RGS8: variants seen among roughly 807,000 people sequenced by gnomAD.
RGS8 encodes regulator of G-protein signaling 8.
Under a neutral mutation model 21.7 loss-of-function variants are expected in RGS8, and 8 were observed. That is an observed-to-expected ratio of 0.37 (90% CI 0.22 to 0.66). RGS8 has a LOEUF of 0.66. RGS8 is among the 30% of genes least tolerant of loss of function. The pLI is 0.59. For missense variants in RGS8, 157 were observed against 217.9 expected, an observed-to-expected ratio of 0.72 and a Z score of 1.76; for synonymous variants, 80 against 83.6, an observed-to-expected ratio of 0.96 and a Z score of 0.24.
chr1:182,655,719 G>C (rs1193335391), intron 5 of RGS8, among the ~76,000 whole-genome samples: 1 of 152,212 alleles, frequency 6.6e-6, no homozygotes, highest in Non-Finnish European at 1.5e-5. Context: ...CCCAGGTAGA[G>C]TTAGCACTCT....
intron 3 of RGS8, among the ~76,000 whole-genome samples, chr1:182,668,243 G>A (rs754982396): frequency 2.0e-5 from 3 of 152,184 alleles, no homozygotes; most frequent in Non-Finnish European, 4.4e-5. Flanking sequence ...TTGTGTTGAG[G>A]GCAAAGGTAA....
upstream of RGS8, among the ~76,000 whole-genome samples, chr1:182,687,865 C>A (rs1332826029): frequency 6.6e-6 from 1 of 152,074 alleles, no homozygotes; most frequent in Non-Finnish European, 1.5e-5. Flanking sequence ...AAGAAAGAAA[C>A]CCAGGTTTAA....
the RGS8 span, among the ~76,000 whole-genome samples, chr1:182,700,159 GC>G: frequency 1.3e-5 from 2 of 152,172 alleles, no homozygotes; most frequent in African/African-American, 2.4e-5. Flanking sequence ...CTCGGCTCCG[GC>G]GAGGGGGAGG....
the RGS8 span, among the ~76,000 whole-genome samples, chr1:182,732,269 T>TCACACACACACA: frequency 3.4e-4 from 43 of 126,358 alleles, no homozygotes; most frequent in African/African-American, 1.3e-3. Context: ...GCTCTCTCTC[T>TCACACACACACA]CATACACACA....
the RGS8 span, among the ~76,000 whole-genome samples, chr1:182,727,026 C>T: frequency 1.3e-5 from 2 of 152,212 alleles, no homozygotes; most frequent in African/African-American, 2.4e-5. Context: ...GCTCCTCCCT[C>T]TCTCATTCCA....
chr1:182,657,769 T>C (rs1008828132), intron 5 of RGS8, among the ~76,000 whole-genome samples: 1 of 152,210 alleles, frequency 6.6e-6, no homozygotes, highest in Non-Finnish European at 1.5e-5. Flanking sequence ...AGTTCATACA[T>C]GTAAACAACA....
the RGS8 span, among the ~76,000 whole-genome samples, chr1:182,701,971 T>C: frequency 6.6e-6 from 1 of 152,142 alleles, no homozygotes; most frequent in Non-Finnish European, 1.5e-5. Flanking sequence ...AAAATAACAC[T>C]TACACACTAT....
the RGS8 span, among the ~76,000 whole-genome samples, chr1:182,719,868 G>T: frequency 6.6e-6 from 1 of 151,996 alleles, no homozygotes; most frequent in Non-Finnish European, 1.5e-5. Flanking sequence ...CTGTAGCTTG[G>T]ATTCCTTATG....
At chr1:182,679,483 C>G (rs575477897) in intron 1 of RGS8, among the ~76,000 whole-genome samples, 1 of 152,232 alleles carries the variant, frequency 6.6e-6, no homozygotes, top group South Asian at 2.1e-4. Flanking sequence ...CTCTGTCCAC[C>G]CCATAAACAC....
At chr1:182,694,155 TTTAC>T in the RGS8 span, among the ~76,000 whole-genome samples, 1 of 151,786 alleles carries the variant, frequency 6.6e-6, no homozygotes, top group African/African-American at 2.4e-5. Context: ...AAAAAGAAAG[TTTAC>T]TTGTATTTGT....
chr1:182,732,299 A>ACACC, the RGS8 span, among the ~76,000 whole-genome samples: 1 of 151,446 alleles, frequency 6.6e-6, no homozygotes, highest in Non-Finnish European at 1.5e-5. Context: ...ACACACACAC[A>ACACC]CACCCACTGT....
At chr1:182,699,672 G>A in the RGS8 span, among the ~76,000 whole-genome samples, 6 of 152,186 alleles carry the variant, frequency 3.9e-5, no homozygotes, top group African/African-American at 1.2e-4. Context: ...AGAATCCGAG[G>A]GGATTCACAG....
chr1:182,742,273 G>A, the RGS8 span, among the ~76,000 whole-genome samples: 1 of 150,514 alleles, frequency 6.6e-6, no homozygotes, highest in East Asian at 2.0e-4. Flanking sequence ...CCAGGCAGAG[G>A]GGCTCCTCAC....
At chr1:182,715,152 T>A in the RGS8 span, among the ~76,000 whole-genome samples, 1 of 152,242 alleles carries the variant, frequency 6.6e-6, no homozygotes, top group African/African-American at 2.4e-5. Context: ...CCATCAATAA[T>A]ATTTATTGTA....
At chr1:182,668,750 C>G (rs897669828) in intron 3 of RGS8, among the ~76,000 whole-genome samples, 1 of 152,222 alleles carries the variant, frequency 6.6e-6, no homozygotes, top group Non-Finnish European at 1.5e-5. Flanking sequence ...CTGCTATTCT[C>G]TCTCCTGCGA....
At chr1:182,642,488 C>T (rs1024786746), downstream of RGS8, 2 of 152,368 alleles carry the variant, frequency 1.3e-5, no homozygotes, top group African/African-American at 2.4e-5. Context: ...CTACTCATCC[C>T]TTCTCTGATC....
chr1:182,673,614 G>A (rs573050980), upstream of RGS8, among the ~76,000 whole-genome samples: 106 of 152,074 alleles, frequency 7.0e-4, no homozygotes, highest in African/African-American at 2.2e-3. Flanking sequence ...TTCTGATATC[G>A]TCCACAGTGC....
upstream of RGS8, among the ~76,000 whole-genome samples, chr1:182,686,587 A>G (rs1167690513): frequency 6.6e-6 from 1 of 152,200 alleles, no homozygotes; most frequent in Admixed American, 6.5e-5. Flanking sequence ...CCATTTGAGA[A>G]CTAGTTCTTA....
the RGS8 span, among the ~76,000 whole-genome samples, chr1:182,697,658 T>G: frequency 7.6e-4 from 116 of 152,292 alleles, 1 homozygote; most frequent in Middle Eastern, 0.017. Flanking sequence ...AGAAATAAAA[T>G]AGTGTATTTT....
Sources: gnomAD v4.1 joint callset for allele counts (sites outside exome capture counted in the v4.1 genomes callset) on GRCh38, gnomAD v4.1.1 for gene constraint, MANE v1.5 for transcripts, NCBI Gene and HGNC (gene_info 2026-07-23, HGNC 2026-07-21) for gene names.